RXFP1: variants seen among roughly 807,000 people sequenced by gnomAD.
RXFP1 encodes relaxin receptor 1.
A neutral mutation model predicts 89.8 loss-of-function variants in RXFP1; 73 were observed. The observed-to-expected ratio is 0.81, with a 90% confidence interval of 0.67 to 0.99. The LOEUF is 0.99. Among genes scored for constraint, RXFP1 ranks in the 50% least tolerant of loss-of-function variants. The probability of loss-of-function intolerance (pLI) is 0.00; values close to 1 mark genes in which losing one functional copy is unlikely to be tolerated. For missense variants in RXFP1, 793 were observed against 895.5 expected, an observed-to-expected ratio of 0.89 and a Z score of 1.46; for synonymous variants, 277 against 305.5, an observed-to-expected ratio of 0.91 and a Z score of 0.97.
chr4:158,599,676 A>G (rs1295294132), intron 4 of RXFP1, among the ~76,000 whole-genome samples: 12 of 152,162 alleles, frequency 7.9e-5, no homozygotes, highest in Admixed American at 7.9e-4. Flanking sequence ...ACCATATTTT[A>G]TCTAAACAAA....
intron 1 of RXFP1, among the ~76,000 whole-genome samples, chr4:158,527,564 A>AAAAAAAAAATATATATATATAT (rs5741905): frequency 2.0e-5 from 2 of 98,338 alleles, no homozygotes; most frequent in African/African-American, 7.0e-5. Context: ...AAAAAAAAAA[A>AAAAAAAAAATATATATATATAT]ATATATATAT....
At chr4:158,549,991 T>C (rs1186730509) in intron 1 of RXFP1, among the ~76,000 whole-genome samples, 1 of 152,202 alleles carries the variant, frequency 6.6e-6, no homozygotes, top group African/African-American at 2.4e-5. Flanking sequence ...CAGACAGGGA[T>C]ATTTAAGCCT....
chr4:158,635,614 G>A lies in RXFP1; in HGVS notation c.971+2138G>A, dbSNP rs137955553. 4.9e-3 allele frequency among the ~76,000 whole-genome samples: 744 copies of A among 152,198 alleles called. 7 individuals are homozygous for A. The highest frequency in any genetic ancestry group is 0.017 in the African/African-American group (707 of 41,512). On this transcript the variant is annotated intron_variant, in intron 12 of 17. Transcript: ENST00000307765. ...GTCTTGTTCCCACTCTTAAGGGAAA[G>A]CTTTTGGTCTTTTACCATTGAGTGT...
intron 1 of RXFP1, among the ~76,000 whole-genome samples, chr4:158,525,881 G>A (rs1013725319): frequency 9.2e-5 from 14 of 152,182 alleles, no homozygotes; most frequent in Non-Finnish European, 7.3e-5. Flanking sequence ...TCCTTAAAAA[G>A]CCTATGCTAT....
Position 158,648,573 on chromosome 4 carries a change from A to C in RXFP1, c.1831A>C (p.Ile611Leu). The change falls in exon 17 of 18, where the codon ATA becomes CTA. Residue 611 changes from isoleucine (I) to leucine (L), a missense_variant. Coordinates refer to ENST00000307765, the MANE Select transcript of RXFP1 (RefSeq NM_021634.4). ...SMFYSVHQSA[I>L]TATEIRNQVK... ...GTTTTATAGTGTTCATCAAAGTGCC[A>C]TAACAGCAACTGAAATACGGAATCA... The C allele has an allele frequency of 2.5e-6, 4 of 1,613,520 alleles. 1 individual carries two copies. The South Asian group carries it at 4.4e-5, about 18-fold the overall frequency.
rs199760670 is a variant in RXFP1, at chr4:158,566,389, G to A, written c.50-6309G>A. The stretch of plus-strand genomic sequence containing the variant: ...TTATCTCAAAATTTTTTTTTTGAGA[G>A]TTTCGCTCTTGTTGCCGAGGCTGGA... On this transcript the variant is annotated intron_variant, in intron 1 of 17. Coordinates refer to ENST00000307765, the MANE Select transcript of RXFP1 (RefSeq NM_021634.4). Among the ~76,000 whole-genome samples, 58 of 118,748 alleles carry A rather than the reference G, an allele frequency of 4.9e-4. 1 individual carries two copies. Among genetic ancestry groups the A allele is most frequent in the African/African-American group, 1.7e-3 (57 of 32,966 alleles). The allele number at this position is 118,748 out of a possible 152,430, so 77.9% of individuals were successfully genotyped here.
intron 16 of RXFP1, among the ~76,000 whole-genome samples, chr4:158,647,909 G>C (rs763199268): frequency 6.6e-6 from 1 of 152,070 alleles, no homozygotes; most frequent in Non-Finnish European, 1.5e-5. Flanking sequence ...CCAGCTACTC[G>C]GGAGGCTGAG....
At chr4:158,628,289 G>A (rs1767315915) in intron 10 of RXFP1, among the ~76,000 whole-genome samples, 1 of 152,150 alleles carries the variant, frequency 6.6e-6, no homozygotes, top group Admixed American at 6.5e-5. Flanking sequence ...TATTTTGTTA[G>A]ACAGTCATGC....
intron 9 of RXFP1, 30 bp from the exon 10 acceptor site, chr4:158,626,790 T>C: frequency 7.7e-7 from 1 of 1,303,724 alleles, no homozygotes; most frequent in Non-Finnish European, 1.1e-6. Flanking sequence ...GATTAAGATT[T>C]AGCTGTATCG....
intron 14 of RXFP1, among the ~76,000 whole-genome samples, chr4:158,642,047 T>C (rs1770476992): frequency 6.6e-6 from 1 of 152,206 alleles, no homozygotes; most frequent in African/African-American, 2.4e-5. Context: ...TACCAAAATC[T>C]AGTGTGAGAG....
chr4:158,608,945 C>T (rs1216055023), intron 6 of RXFP1, among the ~76,000 whole-genome samples: 2 of 152,182 alleles, frequency 1.3e-5, no homozygotes, highest in Non-Finnish European at 2.9e-5. Context: ...TTAATGTTCA[C>T]GTGTTGTAGC....
intron 14 of RXFP1, among the ~76,000 whole-genome samples, chr4:158,640,741 T>C (rs182848237): frequency 7.2e-5 from 11 of 152,254 alleles, no homozygotes; most frequent in Non-Finnish European, 1.5e-4. Context: ...ATGGTACAAG[T>C]GCTACCAGAT....
At chr4:158,546,212 A>G (rs2149857816) in intron 1 of RXFP1, among the ~76,000 whole-genome samples, 1 of 152,218 alleles carries the variant, frequency 6.6e-6, no homozygotes, top group Admixed American at 6.5e-5. Flanking sequence ...CTTTGAAGCA[A>G]TTGTGAATGG....
At chr4:158,525,845 A>C (rs758323004) in intron 1 of RXFP1, among the ~76,000 whole-genome samples, 4 of 152,254 alleles carry the variant, frequency 2.6e-5, no homozygotes, top group Non-Finnish European at 4.4e-5. Flanking sequence ...GTAATGTTAC[A>C]AAGGAGATTT....
intron 12 of RXFP1, among the ~76,000 whole-genome samples, chr4:158,635,472 A>G (rs2150219120): frequency 1.3e-5 from 2 of 152,100 alleles, no homozygotes; most frequent in African/African-American, 2.4e-5. Context: ...AACAGAGATC[A>G]TTTTTTTCTT....
chr4:158,615,342 G>A (rs1448725216), intron 8 of RXFP1, among the ~76,000 whole-genome samples: 1 of 152,016 alleles, frequency 6.6e-6, no homozygotes, highest in Non-Finnish European at 1.5e-5. Context: ...TTCAAGACCA[G>A]CCTGACCAAC....
chr4:158,608,637 C>T (rs1478444576), intron 6 of RXFP1, among the ~76,000 whole-genome samples: 4 of 152,118 alleles, frequency 2.6e-5, no homozygotes, highest in African/African-American at 9.7e-5. Flanking sequence ...AGCTAAAATT[C>T]ACCATTTAAC....
At chr4:158,610,784 T>G in intron 6 of RXFP1, 2 of 1,064,110 alleles carry the variant, frequency 1.9e-6, no homozygotes, top group South Asian at 2.7e-5. Context: ...TACCCCTTAC[T>G]GTGCCCACCT....
intron 9 of RXFP1, among the ~76,000 whole-genome samples, chr4:158,624,300 C>A (rs1257774395): frequency 6.6e-6 from 1 of 152,110 alleles, no homozygotes; most frequent in Non-Finnish European, 1.5e-5. Context: ...CCTTCTTCAT[C>A]ACCTCAGTTT....
Sources: gnomAD v4.1 joint callset for allele counts (sites outside exome capture counted in the v4.1 genomes callset) on GRCh38, gnomAD v4.1.1 for gene constraint, MANE v1.5 for transcripts, NCBI Gene and HGNC (gene_info 2026-07-23, HGNC 2026-07-21) for gene names.